ADAM12: variants seen among roughly 807,000 people sequenced by gnomAD.
The protein encoded by ADAM12 is ADAM metallopeptidase domain 12.
Under a neutral mutation model 106.4 loss-of-function variants are expected in ADAM12, and 70 were observed. That is an observed-to-expected ratio of 0.66 (90% confidence interval 0.54 to 0.80). The LOEUF (loss-of-function observed/expected upper bound fraction) is 0.80. ADAM12 is among the 30% of genes least tolerant of loss of function. The pLI is 0.00. For missense variants in ADAM12, 1,010 were observed against 1,171.9 expected, an observed-to-expected ratio of 0.86 and a Z score of 2.02; for synonymous variants, 420 against 433.5, an observed-to-expected ratio of 0.97 and a Z score of 0.39.
intron 11 of ADAM12, among the ~76,000 whole-genome samples, chr10:126,085,824 T>C (rs2133541674): frequency 6.6e-6 from 1 of 152,350 alleles, no homozygotes; most frequent in East Asian, 1.9e-4. Flanking sequence ...AGCTCTACTA[T>C]GTGTCAGGCA....
chr10:126,084,752 T>C (rs1423490836), intron 11 of ADAM12, among the ~76,000 whole-genome samples: 3 of 152,036 alleles, frequency 2.0e-5, no homozygotes, highest in African/African-American at 7.2e-5. Flanking sequence ...GAAAGAGCTG[T>C]CCCTCTCAAC....
intron 14 of ADAM12, among the ~76,000 whole-genome samples, chr10:126,061,123 C>T (rs1157051202): frequency 2.0e-5 from 3 of 152,198 alleles, no homozygotes; most frequent in Admixed American, 1.3e-4. Flanking sequence ...TGGCTGCTTT[C>T]CTCCACCCCA....
chr10:126,164,197 T>C (rs1956985607), intron 3 of ADAM12, among the ~76,000 whole-genome samples: 1 of 152,242 alleles, frequency 6.6e-6, no homozygotes, highest in African/African-American at 2.4e-5. Context: ...TATTATTTCT[T>C]TGAAGACCAT....
chr10:126,205,425 G>A (rs1208397420), intron 3 of ADAM12, among the ~76,000 whole-genome samples: 1 of 151,776 alleles, frequency 6.6e-6, no homozygotes, highest in African/African-American at 2.4e-5. Context: ...CTTTATATAA[G>A]ATGGCAAAAG....
At chr10:126,320,774 G>A (rs1311079652) in intron 2 of ADAM12, among the ~76,000 whole-genome samples, 1 of 152,024 alleles carries the variant, frequency 6.6e-6, no homozygotes, top group Non-Finnish European at 1.5e-5. Flanking sequence ...TCAATCCCCA[G>A]AATGTTCTCT....
chr10:126,086,709 A>T (rs1400232719), intron 11 of ADAM12, among the ~76,000 whole-genome samples: 94 of 115,438 alleles, frequency 8.1e-4, no homozygotes, highest in African/African-American at 3.0e-3. Context: ...ATATATATAA[A>T]ATAAAATAGG....
intron 1 of ADAM12, among the ~76,000 whole-genome samples, chr10:126,362,885 T>C (rs1387016198): frequency 1.3e-5 from 2 of 152,204 alleles, no homozygotes; most frequent in African/African-American, 4.8e-5. Context: ...GTGACATGAA[T>C]ATAGCTAATA....
intron 4 of ADAM12, among the ~76,000 whole-genome samples, chr10:126,136,105 A>AGAG (rs1956400804): frequency 6.6e-6 from 1 of 151,720 alleles, no homozygotes; most frequent in Non-Finnish European, 1.5e-5. Flanking sequence ...AAAGCAGATG[A>AGAG]GAGGAAGTGG....
chr10:126,251,154 CCCT>C (rs1359633201), intron 3 of ADAM12, among the ~76,000 whole-genome samples: 4 of 152,222 alleles, frequency 2.6e-5, no homozygotes, highest in African/African-American at 9.7e-5. Flanking sequence ...CCTTGGCAGA[CCCT>C]GCTGAGCGTG....
intron 3 of ADAM12, among the ~76,000 whole-genome samples, chr10:126,192,457 G>A (rs1590596012): frequency 6.6e-6 from 1 of 152,158 alleles, no homozygotes; most frequent in East Asian, 1.9e-4. Context: ...TTCAATGGGA[G>A]TAATAAACAC....
intron 3 of ADAM12, among the ~76,000 whole-genome samples, chr10:126,224,507 C>T (rs1315811257): frequency 1.3e-5 from 2 of 151,584 alleles, no homozygotes; most frequent in Non-Finnish European, 1.5e-5. Flanking sequence ...GCTCTTCTGG[C>T]TCTTAGAAGG....
chr10:126,172,384 G>A (rs1217545643), intron 3 of ADAM12, among the ~76,000 whole-genome samples: 1 of 152,068 alleles, frequency 6.6e-6, no homozygotes, highest in Non-Finnish European at 1.5e-5. Context: ...GTGTAACAAT[G>A]GCACGGTGTG....
At chr10:126,033,950 T>C (rs1460523020) in intron 21 of ADAM12, among the ~76,000 whole-genome samples, 2 of 152,198 alleles carry the variant, frequency 1.3e-5, no homozygotes, top group African/African-American at 4.8e-5. Context: ...CTTTAAAAAA[T>C]GGCTAAAGAA....
At chr10:126,213,664 C>T (rs1289099170) in intron 3 of ADAM12, among the ~76,000 whole-genome samples, 2 of 152,164 alleles carry the variant, frequency 1.3e-5, no homozygotes, top group Non-Finnish European at 2.9e-5. Context: ...TATTCTTATC[C>T]TTAAATCTCC....
intron 11 of ADAM12, among the ~76,000 whole-genome samples, chr10:126,089,680 G>T (rs906333097): frequency 6.6e-6 from 1 of 152,054 alleles, no homozygotes; most frequent in Non-Finnish European, 1.5e-5. Context: ...GCTGGCTCTG[G>T]TTCCTCCATT....
chr10:126,309,714 G>A lies in ADAM12; in HGVS notation c.186+20698C>T, dbSNP rs528258974. Among the ~76,000 whole-genome samples the A allele has an allele frequency of 5.3e-5, 8 of 152,316 alleles. No individual in the cohort carries two copies. The East Asian group carries it at 1.5e-3, about 29-fold the overall frequency. Reference sequence around the variant, plus strand: ...TAAGCCACTAAGCTTTGGAGGAGCAGAGAAATGCAGTTTTAGGGGCTGGAC... The same window carrying A: ...TAAGCCACTAAGCTTTGGAGGAGCAAAGAAATGCAGTTTTAGGGGCTGGAC... On this transcript the variant is annotated intron_variant, in intron 2 of 22. Transcript: ENST00000448723.
At chr10:126,305,238 A>C (rs1409436329) in intron 2 of ADAM12, among the ~76,000 whole-genome samples, 1 of 152,094 alleles carries the variant, frequency 6.6e-6, no homozygotes, top group Non-Finnish European at 1.5e-5. Flanking sequence ...AGGGGAATGT[A>C]TGAGCAAACT....
chr10:126,087,380 C>T (rs1955378791), intron 11 of ADAM12, among the ~76,000 whole-genome samples: 1 of 152,060 alleles, frequency 6.6e-6, no homozygotes, highest in Non-Finnish European at 1.5e-5. Flanking sequence ...GTGATAATGT[C>T]GGGGTACAGC....
chr10:126,217,554 A>G lies in ADAM12; in HGVS notation c.260+61361T>C, dbSNP rs558776429. Among the ~76,000 whole-genome samples, 506 of 151,844 alleles carry G rather than the reference A, an allele frequency of 3.3e-3. 7 individuals are homozygous for G. Among genetic ancestry groups the G allele is most frequent in the Non-Finnish European group, 5.2e-3 (354 of 67,898 alleles). ...AGCTAATTTTGTATTTTTAGTAGAG[A>G]CAGGGTTTCTCCATGTTGGTCAGGC... On this transcript the variant is annotated intron_variant, in intron 3 of 22. Transcript: ENST00000448723.
Sources: allele counts gnomAD v4.1 joint callset (sites outside exome capture counted in the v4.1 genomes callset), GRCh38; gene constraint gnomAD v4.1.1; transcripts MANE v1.5; gene names NCBI Gene and HGNC (gene_info 2026-07-23, HGNC 2026-07-21).